The following POFUT1 variants were observed in gnomAD, a reference collection of about 807,000 sequenced individuals.
POFUT1 encodes the protein protein O-fucosyltransferase 1.
Under a neutral mutation model 42.4 loss-of-function variants are expected in POFUT1, and 16 were observed. The observed-to-expected ratio is 0.38, with a 90% CI of 0.26 to 0.57. POFUT1 has a LOEUF of 0.57. Ranked by LOEUF, POFUT1 falls within the 20% of genes least tolerant of loss-of-function variation. The pLI is 0.71. For synonymous variants in POFUT1, 206 were observed against 205.4 expected (o/e 1.00, Z -0.03); for missense variants, 470 against 504.6 (o/e 0.93, Z 0.66).
At chr20:32,222,642 T>C in intron 4 of POFUT1, 2 of 985,438 alleles carry the variant, frequency 2.0e-6, no homozygotes, top group Non-Finnish European at 2.4e-6. Flanking sequence ...GGCTGCCACG[T>C]ATCCAGCTGA....
At chr20:32,233,826 G>A (rs2047455577) in intron 6 of POFUT1, among the ~76,000 whole-genome samples, 2 of 152,134 alleles carry the variant, frequency 1.3e-5, no homozygotes, top group South Asian at 4.1e-4. Flanking sequence ...TCCCCTCTCT[G>A]GTTTGGTGGG....
At chr20:32,210,438 A>G (rs754774236) in intron 2 of POFUT1, among the ~76,000 whole-genome samples, 3 of 152,226 alleles carry the variant, frequency 2.0e-5, no homozygotes, top group Non-Finnish European at 4.4e-5. Context: ...CGGGGTTTAC[A>G]GAGGTTAGGT....
chr20:32,210,284 C>A, intron 2 of POFUT1, 92 bp downstream of exon 2: 1 of 1,323,082 alleles, frequency 7.6e-7, no homozygotes. Flanking sequence ...GCTTTACCTC[C>A]CACTCCTCTG....
In POFUT1 at chr20:32,230,826, C is replaced by T; in HGVS notation, c.743C>T (p.Ala248Val). Reference protein sequence around the residue: ...HLRIGSDWKNACAMLKDGTAG... With the variant: ...HLRIGSDWKNVCAMLKDGTAG... The stretch of plus-strand genomic sequence containing the variant: ...GTTCCCCGCTCTCCGTAGAAGAACG[C>T]CTGTGCCATGCTGAAGGACGGGACT... Residue 248 changes from alanine to valine, a missense_variant, in exon 6 of 7, where the codon GCC becomes GTC. Ala to Val is a moderately conservative substitution (Grantham distance 64). Transcript: ENST00000375749. The T allele has an allele frequency of 6.2e-7, 1 of 1,613,536 alleles. No homozygotes were observed. Among genetic ancestry groups the T allele is most frequent in the Non-Finnish European group, 8.5e-7 (1 of 1,180,034 alleles).
At chr20:32,219,041 A>C (rs2047377027) in intron 4 of POFUT1, among the ~76,000 whole-genome samples, 1 of 152,172 alleles carries the variant, frequency 6.6e-6, no homozygotes, top group Non-Finnish European at 1.5e-5. Flanking sequence ...GTCTTCCTTC[A>C]ACACATATTT....
intron 4 of POFUT1, 33 bp from the exon 5 acceptor site, chr20:32,228,230 C>A (rs1455792245): frequency 5.7e-6 from 9 of 1,586,174 alleles, no homozygotes; most frequent in Middle Eastern, 1.7e-4. Flanking sequence ...CTCTGTGCGT[C>A]CTCTGACTTC....
Position 32,216,616 on chromosome 20 carries a change from A to G in POFUT1, c.437A>G (p.Asn146Ser), listed in dbSNP as rs200235955. Reference sequence around the variant, plus strand: ...ACCACTCTCTTTCTGCAGGAAGGAAACCCCTTTGGCCCATTCTGGGATCAG... The same window carrying G: ...ACCACTCTCTTTCTGCAGGAAGGAAGCCCCTTTGGCCCATTCTGGGATCAG... ...DKKTCPMKEG[N>S]PFGPFWDQFH... The change falls in exon 4 of 7, where the codon AAC (asparagine) becomes AGC (serine). Residue 146 changes from asparagine (N) to serine (S), a missense_variant. Asn to Ser is a conservative substitution (Grantham distance 46, BLOSUM62 1). Coordinates refer to ENST00000375749, the MANE Select transcript of POFUT1 (RefSeq NM_015352.2). 1.2e-6 allele frequency: 2 copies of G among 1,609,990 alleles called. No homozygotes were observed. The highest frequency in any genetic ancestry group is 2.7e-5 in the African/African-American group (2 of 74,898).
Position 32,207,966 on chromosome 20 carries a change from C to T in POFUT1, c.25C>T (p.Pro9Ser). ...CATGGGCGCCGCCGCGTGGGCACGGCCGCTGAGCGTGTCTTTCCTGCTGCT... is the reference window on the plus strand; with the variant it reads ...CATGGGCGCCGCCGCGTGGGCACGGTCGCTGAGCGTGTCTTTCCTGCTGCT... MGAAAWAR[P>S]LSVSFLLLLL... The change falls in exon 1 of 7, where the codon CCG (proline) becomes TCG (serine). Residue 9 changes from proline (P) to serine (S), a missense_variant. Pro to Ser is a moderately conservative substitution (Grantham distance 74, BLOSUM62 -1). Coordinates refer to ENST00000375749, the MANE Select transcript of POFUT1 (RefSeq NM_015352.2). 1 of 1,591,702 alleles carries T rather than the reference C, an allele frequency of 6.3e-7. No individual in the cohort carries two copies. Among genetic ancestry groups the T allele is most frequent in the African/African-American group, 1.3e-5 (1 of 74,718 alleles).
At chr20:32,233,487 C>T (rs747037953) in intron 6 of POFUT1, among the ~76,000 whole-genome samples, 6 of 152,108 alleles carry the variant, frequency 3.9e-5, no homozygotes, top group Non-Finnish European at 7.3e-5. Context: ...CAATTTGTCA[C>T]CCTTATCTGA....
At chr20:32,208,743 G>A (rs1347646051) in intron 1 of POFUT1, among the ~76,000 whole-genome samples, 1 of 152,074 alleles carries the variant, frequency 6.6e-6, no homozygotes, top group East Asian at 1.9e-4. Context: ...GCTGAGGTGG[G>A]AGGATCTCTT....
chr20:32,231,356 C>T, intron 6 of POFUT1: 1 of 379,244 alleles, frequency 2.6e-6, no homozygotes, highest in East Asian at 6.0e-5. Flanking sequence ...AGAAATATGT[C>T]TTATTTCCTC....
chr20:32,219,422 A>G (rs1178770800), intron 4 of POFUT1, among the ~76,000 whole-genome samples: 1 of 152,052 alleles, frequency 6.6e-6, no homozygotes, highest in East Asian at 1.9e-4. Context: ...GCAATGTGGT[A>G]TGGAGTGAGT....
At chr20:32,231,129 C>T in intron 6 of POFUT1, 68 bp downstream of exon 6, 1 of 1,553,184 alleles carries the variant, frequency 6.4e-7, no homozygotes, top group Non-Finnish European at 8.8e-7. Context: ...GGTCCCACTG[C>T]CCACTGCATG....
At chr20:32,232,638 C>A (rs528528048) in intron 6 of POFUT1, among the ~76,000 whole-genome samples, 1 of 152,306 alleles carries the variant, frequency 6.6e-6, no homozygotes, top group East Asian at 1.9e-4. Context: ...AAAGCACTTT[C>A]AGCCCCAACT....
intron 4 of POFUT1, chr20:32,217,635 C>T (rs1157805585): frequency 1.7e-5 from 17 of 985,722 alleles, no homozygotes; most frequent in Non-Finnish European, 2.0e-5. Context: ...AAGCACAGGC[C>T]AAGGAGTGAG....
chr20:32,231,121 T>A lies in POFUT1; in HGVS notation c.978+60T>A, dbSNP rs117140430. 634 of 1,585,896 alleles carry A rather than the reference T, an allele frequency of 4.0e-4. 8 individuals are homozygous for A. In the East Asian group the frequency reaches 0.015, roughly 38 times the overall value. On this transcript the variant is annotated intron_variant, in intron 6 of 6. Transcript: ENST00000375749. The stretch of plus-strand genomic sequence containing the variant: ...GGAATGAAAGGAGGAGCCAGGATGG[T>A]CCCACTGCCCACTGCATGCTTCACG...
chr20:32,224,976 T>C (rs6087839), intron 4 of POFUT1, among the ~76,000 whole-genome samples: 30,513 of 152,060 alleles, frequency 0.2, 3,470 homozygotes, highest in African/African-American at 0.29. Flanking sequence ...TTACATGCAA[T>C]GTGATGATGA....
At chr20:32,217,074 C>A (rs1193188504) in intron 4 of POFUT1, 2 of 1,613,190 alleles carry the variant, frequency 1.2e-6, no homozygotes, top group Non-Finnish European at 1.7e-6. Context: ...TTCTAGAGAA[C>A]AGCTTCAGGT....
chr20:32,224,003 A>G (rs971988766), intron 4 of POFUT1, among the ~76,000 whole-genome samples: 23 of 152,220 alleles, frequency 1.5e-4, no homozygotes, highest in African/African-American at 5.5e-4. Flanking sequence ...AGCTCTTGTG[A>G]AAATCAAATG....
Sources: gnomAD v4.1 joint callset for allele counts (sites outside exome capture counted in the v4.1 genomes callset) on GRCh38, gnomAD v4.1.1 for gene constraint, MANE v1.5 for transcripts, NCBI Gene and HGNC (gene_info 2026-07-23, HGNC 2026-07-21) for gene names.